The following TBPL1 variants were observed in gnomAD, a reference collection of about 807,000 sequenced individuals.
TBPL1 encodes the protein TATA box-binding protein-like 1.
A neutral mutation model predicts 22.1 loss-of-function variants in TBPL1; 4 were observed. The observed-to-expected ratio is 0.18, with a 90% confidence interval of 0.09 to 0.41. The LOEUF is 0.41. Ranked by LOEUF, TBPL1 falls within the 10% of genes least tolerant of loss-of-function variation. The pLI is 1.00. For missense variants in TBPL1, 115 were observed against 222.3 expected (o/e 0.52, Z 3.07); for synonymous variants, 64 against 71.0 (o/e 0.90, Z 0.50).
intron 1 of TBPL1, among the ~76,000 whole-genome samples, chr6:133,955,842 T>A (rs1238946348): frequency 6.6e-6 from 1 of 152,238 alleles, no homozygotes; most frequent in East Asian, 1.9e-4. Context: ...TCTGCCAAAT[T>A]TGAGGGAACT....
At chr6:133,974,871 AATG>A (rs1442537278) in intron 1 of TBPL1, among the ~76,000 whole-genome samples, 1 of 152,224 alleles carries the variant, frequency 6.6e-6, no homozygotes, top group Non-Finnish European at 1.5e-5. Context: ...CTGCTAAATA[AATG>A]ATTAGTCTAA....
At chr6:133,973,025 AC>A (rs1337667884) in intron 1 of TBPL1, among the ~76,000 whole-genome samples, 1 of 152,192 alleles carries the variant, frequency 6.6e-6, no homozygotes, top group Admixed American at 6.5e-5. Flanking sequence ...ATACTATCAA[AC>A]AGATACGAAA....
chr6:133,979,998 AT>A, intron 1 of TBPL1, 83 bp from the exon 2 acceptor site: 3 of 1,052,504 alleles, frequency 2.9e-6, no homozygotes, highest in Non-Finnish European at 3.8e-6. Flanking sequence ...ATATAGATTC[AT>A]TTTTTACATT....
chr6:133,976,123 T>A (rs1375860296), intron 1 of TBPL1, among the ~76,000 whole-genome samples: 3 of 152,176 alleles, frequency 2.0e-5, no homozygotes, highest in African/African-American at 7.2e-5. Flanking sequence ...TCAAAGGGCT[T>A]GTAGGAAAAA....
intron 1 of TBPL1, among the ~76,000 whole-genome samples, chr6:133,963,202 G>T (rs762399455): frequency 6.6e-6 from 1 of 152,206 alleles, no homozygotes; most frequent in Non-Finnish European, 1.5e-5. Context: ...AAACAGTACT[G>T]ATAGAAGAAT....
At chr6:133,956,291 T>G (rs1002489477) in intron 1 of TBPL1, among the ~76,000 whole-genome samples, 1 of 152,214 alleles carries the variant, frequency 6.6e-6, no homozygotes, top group African/African-American at 2.4e-5. Context: ...TAATAAAGAT[T>G]CCCTGAAACT....
In TBPL1 at chr6:133,984,557, T is replaced by C. The variant is rs1776474862; in HGVS notation, c.387-20T>C. On this transcript the variant is annotated intron_variant, in intron 5 of 6. Transcript: ENST00000237264. ...GTCAGGGTATAAATATTTATATTAA[T>C]TGTGGCTTATTTTGTGTAGTTACGA... 1 of 1,611,222 alleles carries C rather than the reference T, an allele frequency of 6.2e-7. No individual in the cohort carries two copies. Among genetic ancestry groups the C allele is most frequent in the East Asian group, 2.2e-5 (1 of 44,758 alleles).
At chr6:133,986,869 C>T in intron 6 of TBPL1, 92 bp from the exon 7 acceptor site, 12 of 787,874 alleles carry the variant, frequency 1.5e-5, no homozygotes, top group Non-Finnish European at 1.8e-5. Context: ...TATTCTATAC[C>T]ACTTGAATAT....
chr6:133,988,724 C>T lies in TBPL1; in HGVS notation c.*1684C>T, dbSNP rs1776573977. On this transcript the variant is annotated 3_prime_UTR_variant, in exon 7 of 7. Coordinates refer to ENST00000237264, the MANE Select transcript of TBPL1 (RefSeq NM_004865.4). ...TTGAGATTTTTAGACTTGTATTTTT[C>T]CTTTTTTTTAAAAAAAAAGTGTTTA... The T allele has an allele frequency of 3.3e-5, 5 of 151,256 alleles. No individual in the cohort carries two copies. 9.4% of individuals were successfully genotyped at this position (151,256 alleles called of 1,614,324 possible).
At position 133,982,620 on chromosome 6, in the gene TBPL1, C is replaced by T; in HGVS notation, c.188C>T (p.Ser63Leu). 6.2e-7 allele frequency: 1 copy of T among 1,613,344 alleles called. No individual in the cohort carries two copies. The highest frequency in any genetic ancestry group is 1.3e-5 in the African/African-American group (1 of 74,968). ...KPRITATIWS[S>L]GKIICTGATS... Reference sequence around the variant, plus strand: ...AGAATTACAGCTACAATTTGGTCCTCAGGAAAAATTATTTGCACTGGAGCA... The same window carrying T: ...AGAATTACAGCTACAATTTGGTCCTTAGGAAAAATTATTTGCACTGGAGCA... Residue 63 changes from serine (S) to leucine (L), a missense_variant, in exon 3 of 7, where the codon TCA becomes TTA. Physicochemically the swap from Ser to Leu is moderately radical, Grantham distance 145. Coordinates refer to ENST00000237264, the MANE Select transcript of TBPL1 (RefSeq NM_004865.4).
At chr6:133,983,204 A>C (rs562450404) in intron 4 of TBPL1, among the ~76,000 whole-genome samples, 1 of 152,316 alleles carries the variant, frequency 6.6e-6, no homozygotes, top group South Asian at 2.1e-4. Context: ...CATCTCAAGA[A>C]TGCCAGGTCA....
At chr6:133,958,653 A>G (rs1372789989) in intron 1 of TBPL1, among the ~76,000 whole-genome samples, 1 of 152,250 alleles carries the variant, frequency 6.6e-6, no homozygotes, top group Non-Finnish European at 1.5e-5. Context: ...CTGACTAAAA[A>G]TAAATGTTTC....
chr6:133,976,201 A>G (rs1776309530), intron 1 of TBPL1, among the ~76,000 whole-genome samples: 1 of 152,180 alleles, frequency 6.6e-6, no homozygotes, highest in Non-Finnish European at 1.5e-5. Context: ...CCTTGCTAAC[A>G]GTTTTTTTTT....
chr6:133,981,561 A>G (rs1776413924), intron 2 of TBPL1, among the ~76,000 whole-genome samples: 1 of 152,356 alleles, frequency 6.6e-6, no homozygotes, highest in Non-Finnish European at 1.5e-5. Flanking sequence ...AAACTCAGTC[A>G]AGTGTTTCTC....
intron 1 of TBPL1, among the ~76,000 whole-genome samples, chr6:133,979,563 AAGTT>A (rs1248219092): frequency 6.6e-6 from 1 of 152,156 alleles, no homozygotes; most frequent in African/African-American, 2.4e-5. Context: ...TAAGGAATGA[AAGTT>A]AGGCCTAGAT....
chr6:133,957,621 T>G (rs1310851426), intron 1 of TBPL1, among the ~76,000 whole-genome samples: 2 of 152,166 alleles, frequency 1.3e-5, no homozygotes, highest in Non-Finnish European at 2.9e-5. Flanking sequence ...TTTCTTGAGA[T>G]TGGGATTGGT....
chr6:133,986,820 T>TTA (rs2114397707), intron 6 of TBPL1, 141 bp from the exon 7 acceptor site: 1 of 531,382 alleles, frequency 1.9e-6, no homozygotes, highest in Admixed American at 3.8e-5. Context: ...ATGTGTATAA[T>TTA]TATATGTCTA....
At chr6:133,967,012 G>T (rs1185809482) in intron 1 of TBPL1, among the ~76,000 whole-genome samples, 1 of 152,106 alleles carries the variant, frequency 6.6e-6, no homozygotes. Context: ...TCTGAACGTG[G>T]CATAGAAGGC....
chr6:133,956,488 C>T (rs1253008845), intron 1 of TBPL1, among the ~76,000 whole-genome samples: 3 of 152,190 alleles, frequency 2.0e-5, no homozygotes, highest in Non-Finnish European at 4.4e-5. Context: ...CTGCCTGGTA[C>T]TGTCACTATT....
Sources: gnomAD v4.1 joint callset for allele counts (sites outside exome capture counted in the v4.1 genomes callset) on GRCh38, gnomAD v4.1.1 for gene constraint, MANE v1.5 for transcripts, NCBI Gene and HGNC (gene_info 2026-07-23, HGNC 2026-07-21) for gene names.